MATR3: variants seen among roughly 807,000 people sequenced by gnomAD.
MATR3 encodes the protein matrin-3.
MATR3 carries 4 observed loss-of-function variants against 85.5 expected under a neutral mutation model. That is an observed-to-expected ratio of 0.05 (90% confidence interval 0.02 to 0.11). MATR3 has a LOEUF of 0.11. Among genes scored for constraint, MATR3 ranks in the 10% least tolerant of loss-of-function variants. The pLI is 1.00. For synonymous variants in MATR3, 336 were observed against 343.1 expected, an observed-to-expected ratio of 0.98 and a Z score of 0.23; for missense variants, 685 against 1,016.1, an observed-to-expected ratio of 0.67 and a Z score of 4.43.
chr5:139,310,006 G>C lies in MATR3; in HGVS notation c.912+1679G>C, dbSNP rs527272853. 4 of 152,234 alleles carry C rather than the reference G, an allele frequency of 2.6e-5. No individual in the cohort carries two copies. The South Asian group carries it at 8.3e-4, about 32-fold the overall frequency. 9.4% of individuals were successfully genotyped at this position (152,234 alleles called of 1,614,324 possible). ...ATGTGAAGGGACTTAAAAAATCTTC[G>C]CTACTGGAGTCATTAAGCTGTTGGG... On this transcript the variant is annotated intron_variant, in intron 2 of 14. Coordinates refer to ENST00000394805, the MANE Select transcript of MATR3 (RefSeq NM_018834.6).
chr5:139,319,727 C>T (rs1417346735), intron 9 of MATR3, among the ~76,000 whole-genome samples: 1 of 151,746 alleles, frequency 6.6e-6, no homozygotes, highest in East Asian at 1.9e-4. Context: ...CCTGTAATCC[C>T]AGCTACTTGG....
chr5:139,317,835 C>T (rs1175951016), intron 7 of MATR3, 114 bp downstream of exon 7: 15 of 1,055,158 alleles, frequency 1.4e-5, no homozygotes, highest in Non-Finnish European at 1.4e-6. Context: ...TTAAGTTTAT[C>T]AAATGCAGAA....
chr5:139,315,292 T>C (rs1462705382), intron 3 of MATR3: 8 of 218,778 alleles, frequency 3.7e-5, no homozygotes, highest in Non-Finnish European at 5.5e-5. Context: ...TATGCCTAAC[T>C]CTGTTGGGGC....
At position 139,321,840 on chromosome 5, in the gene MATR3, T is replaced by G. The variant is rs1755589888; in HGVS notation, c.1603-58T>G. On this transcript the variant is annotated intron_variant, in intron 9 of 14. Transcript: ENST00000394805. ...CCAGTAGGTAGAATACATAATAAGGTTTTATACAATTTTGTAAAATATAAT... is the reference window on the plus strand; with the variant it reads ...CCAGTAGGTAGAATACATAATAAGGGTTTATACAATTTTGTAAAATATAAT... 3 of 1,567,154 alleles carry G rather than the reference T, an allele frequency of 1.9e-6. No individual in the cohort carries two copies. In the Admixed American group the frequency reaches 5.3e-5, roughly 28 times the overall value.
chr5:139,322,142 T>A (rs1755605812), intron 10 of MATR3, 113 bp downstream of exon 10: 1 of 1,276,470 alleles, frequency 7.8e-7, no homozygotes, highest in Middle Eastern at 1.9e-4. Context: ...TGAAACCTAT[T>A]GAAATAAGTT....
chr5:139,279,403 A>C, intron 3 of MATR3: 1 of 280,358 alleles, frequency 3.6e-6, no homozygotes. Context: ...TAATTTTTTT[A>C]TTTTAAGTAG....
intron 3 of MATR3, among the ~76,000 whole-genome samples, chr5:139,286,505 ACCT>A (rs778388979): frequency 1.4e-4 from 21 of 149,126 alleles, no homozygotes; most frequent in East Asian, 2.1e-4. Flanking sequence ...ATTTCTGTAG[ACCT>A]CCTCTGTGGA....
upstream of MATR3, chr5:139,293,129 G>A (rs1753938775): frequency 6.6e-6 from 1 of 152,232 alleles, no homozygotes; most frequent in African/African-American, 2.4e-5. Flanking sequence ...CCATGGTGGT[G>A]CGAGCCTGTA....
chr5:139,293,531 G>A (rs1399260093), upstream of MATR3: 2 of 157,664 alleles, frequency 1.3e-5, no homozygotes, highest in African/African-American at 2.4e-5. Flanking sequence ...CGCCTCAGCT[G>A]GATGACGGAG....
intron 2 of MATR3, chr5:139,311,739 TTTAA>T (rs1218154409): frequency 2.0e-5 from 3 of 149,662 alleles, no homozygotes; most frequent in East Asian, 3.9e-4. Context: ...TTGGTATTTG[TTTAA>T]TTAATCCTTT....
chr5:139,319,881 T>C (rs1755457684), intron 9 of MATR3, among the ~76,000 whole-genome samples: 1 of 144,696 alleles, frequency 6.9e-6, no homozygotes, highest in Non-Finnish European at 1.5e-5. Context: ...TTTTTTTTTT[T>C]TTTTTTTAAA....
At chr5:139,324,528 G>C (rs1755746256) in intron 12 of MATR3, among the ~76,000 whole-genome samples, 1 of 151,964 alleles carries the variant, frequency 6.6e-6, no homozygotes, top group East Asian at 1.9e-4. Context: ...TGAGATCTCA[G>C]GGTGATCCGC....
rs1755638331 is a variant in MATR3 at position 139,322,722 on chromosome 5, G to T, written c.1903G>T (p.Gly635Cys). The change falls in exon 12 of 15, where the codon GGT becomes TGT. Residue 635 changes from glycine to cysteine, a missense_variant. Transcript: ENST00000394805. ...KEQEEKSGED[G>C]EKDTKDDQTE... ...ACAAGAAGAGAAGTCCGGTGAAGATGGTGAGAAAGACACAAAGGATGACCA... is the reference window on the plus strand; with the variant it reads ...ACAAGAAGAGAAGTCCGGTGAAGATTGTGAGAAAGACACAAAGGATGACCA... The T allele has an allele frequency of 1.2e-6, 2 of 1,613,986 alleles. No individual in the cohort carries two copies. The highest frequency in any genetic ancestry group is 1.7e-6 in the Non-Finnish European group (2 of 1,180,034).
chr5:139,313,329 T>C (rs1755087957), intron 2 of MATR3: 1 of 7,044 alleles, frequency 1.4e-4, no homozygotes, highest in African/African-American at 2.9e-4. Flanking sequence ...TAATAGTTCT[T>C]TTTTTTTTTT....
intron 3 of MATR3, chr5:139,283,332 A>G (rs1753598957): frequency 6.6e-6 from 1 of 152,254 alleles, no homozygotes; most frequent in Non-Finnish European, 1.5e-5. Flanking sequence ...AGAGAACTCT[A>G]GGGTTGTCTA....
At chr5:139,274,825 T>C (rs546017962) in intron 1 of MATR3, among the ~76,000 whole-genome samples, 74 of 151,512 alleles carry the variant, frequency 4.9e-4, no homozygotes, top group African/African-American at 1.8e-3. Context: ...GTCGGGAGGC[T>C]GAGGCAGGAG....
chr5:139,286,930 T>C (rs1160580105), intron 3 of MATR3, among the ~76,000 whole-genome samples: 2 of 152,170 alleles, frequency 1.3e-5, no homozygotes, highest in Admixed American at 6.5e-5. Flanking sequence ...TCTGCTAGAC[T>C]CCTGAGCTCC....
At chr5:139,322,531 G>A (rs761453928) in intron 11 of MATR3, 25 bp downstream of exon 11, 85 of 1,570,080 alleles carry the variant, frequency 5.4e-5, no homozygotes, top group Non-Finnish European at 6.4e-5. Context: ...TTTTTCATAT[G>A]TGTGAGTATA....
intron 14 of MATR3, among the ~76,000 whole-genome samples, chr5:139,326,979 TCA>T (rs1755884379): frequency 6.6e-6 from 1 of 152,156 alleles, no homozygotes; most frequent in Non-Finnish European, 1.5e-5. Flanking sequence ...TATTGACACT[TCA>T]GTTATTTTTA....
Sources: allele counts gnomAD v4.1 joint callset (sites outside exome capture counted in the v4.1 genomes callset), GRCh38; gene constraint gnomAD v4.1.1; transcripts MANE v1.5; gene names NCBI Gene and HGNC (gene_info 2026-07-23, HGNC 2026-07-21).